The following NF2 variants were observed in gnomAD, a reference collection of about 807,000 sequenced individuals.
NF2 encodes the protein merlin.
Under a neutral mutation model 83.7 loss-of-function variants are expected in NF2, and 8 were observed. That is an observed-to-expected ratio of 0.10 (90% confidence interval 0.06 to 0.17). The LOEUF is 0.17. Ranked by LOEUF, NF2 falls within the 10% of genes least tolerant of loss-of-function variation. NF2 has a pLI of 1.00. For missense variants in NF2, 533 were observed against 744.4 expected, an observed-to-expected ratio of 0.72 and a Z score of 3.31; for synonymous variants, 266 against 269.6, an observed-to-expected ratio of 0.99 and a Z score of 0.13.
At chr22:29,639,052 A>C (rs1209448685) in intron 2 of NF2, 38 bp from the exon 3 acceptor site, 1 of 1,614,188 alleles carries the variant, frequency 6.2e-7, no homozygotes, top group South Asian at 1.1e-5. Flanking sequence ...AGGAAGTGCC[A>C]ATATAGTGTG....
chr22:29,696,053 C>A lies in NF2; in HGVS notation c.*1251C>A. ...GGCTCACTCCTTGGTCTGGGGCCACCTTCTTGCCCTTTCTTTTTTTTTTTT... is the reference window on the plus strand; with the variant it reads ...GGCTCACTCCTTGGTCTGGGGCCACATTCTTGCCCTTTCTTTTTTTTTTTT... On this transcript the variant is annotated 3_prime_UTR_variant, in exon 16 of 16. Coordinates refer to ENST00000338641, the MANE Select transcript of NF2 (RefSeq NM_000268.4). 1 of 231,288 alleles carries A rather than the reference C, an allele frequency of 4.3e-6. No individual in the cohort carries two copies. Among genetic ancestry groups the A allele is most frequent in the Non-Finnish European group, 8.5e-6 (1 of 117,438 alleles). 14.3% of individuals were successfully genotyped at this position (231,288 alleles called of 1,614,324 possible). A position where few individuals can be genotyped will look rare whatever the true frequency, so the allele number is the denominator to read the frequency against.
Position 29,617,700 on chromosome 22 carries a change from G to A in NF2, c.114+13588G>A, listed in dbSNP as rs542954003. ...TTTAATTTTACATAAATGACCTGGGGAATCTTGGAAAAATGTAGGTTCTGA... is the reference window on the plus strand; with the variant it reads ...TTTAATTTTACATAAATGACCTGGGAAATCTTGGAAAAATGTAGGTTCTGA... On this transcript the variant is annotated intron_variant, in intron 1 of 15. Transcript: ENST00000338641. 2.3e-4 allele frequency among the ~76,000 whole-genome samples: 35 copies of A among 152,292 alleles called. No individual in the cohort carries two copies. In the South Asian group the frequency reaches 6.8e-3, roughly 30 times the overall value.
chr22:29,625,004 C>T (rs542431769), intron 1 of NF2, among the ~76,000 whole-genome samples: 1 of 146,146 alleles, frequency 6.8e-6, no homozygotes, highest in East Asian at 2.0e-4. Flanking sequence ...GAGATCTCGG[C>T]TCACTGCAAC....
Position 29,668,311 on chromosome 22 carries a change from TTG to T in NF2, c.886-20_886-19del, listed in dbSNP as rs764324357. The T allele has an allele frequency of 1.9e-6, 3 of 1,587,130 alleles. No homozygotes were observed. The East Asian group carries it at 6.7e-5, about 36-fold the overall frequency. On this transcript the variant is annotated intron_variant, in intron 9 of 15. Transcript: ENST00000338641. ...AGTAAATTTGTGGATATTAACCTTT[TTG>T]TCTGCTTCTGTGGCCACAGATTCTC...
chr22:29,685,144 G>T (rs867117467), intron 15 of NF2, among the ~76,000 whole-genome samples: 1 of 151,718 alleles, frequency 6.6e-6, no homozygotes, highest in South Asian at 2.1e-4. Context: ...TTGAGACACG[G>T]TCTCCCTCTG....
chr22:29,683,653 C>T (rs1225609566), intron 15 of NF2: 1 of 1,081,670 alleles, frequency 9.2e-7, no homozygotes, highest in Non-Finnish European at 1.1e-6. Context: ...TGTGAGTCCA[C>T]GGGGAGTGGA....
rs577574410 is a variant in NF2, at chr22:29,616,023, A to G, written c.114+11911A>G. On this transcript the variant is annotated intron_variant, in intron 1 of 15. Transcript: ENST00000338641. ...GAATGAAGTACCAGCACGTGCTTCA[A>G]CATGGATGGACCTTGAAAACACTAT... Among the ~76,000 whole-genome samples the G allele has an allele frequency of 5.9e-5, 9 of 152,364 alleles. No individual in the cohort carries two copies. In the South Asian group the frequency reaches 1.9e-3, roughly 32 times the overall value.
At chr22:29,682,771 C>T (rs941493080) in intron 15 of NF2, among the ~76,000 whole-genome samples, 2 of 152,144 alleles carry the variant, frequency 1.3e-5, no homozygotes, top group African/African-American at 4.8e-5. Context: ...TCACCCCTTA[C>T]CCCCAGCCTT....
intron 1 of NF2, among the ~76,000 whole-genome samples, chr22:29,620,879 C>T (rs557012267): frequency 6.6e-6 from 1 of 152,242 alleles, no homozygotes; most frequent in African/African-American, 2.4e-5. Flanking sequence ...TGGGTGCCCA[C>T]GTTGACCAGG....
At chr22:29,672,077 A>G in intron 11 of NF2, 129 bp downstream of exon 11, 1 of 1,390,898 alleles carries the variant, frequency 7.2e-7, no homozygotes, top group East Asian at 2.3e-5. Flanking sequence ...GCTTTGAAAA[A>G]ATCAGTGCCT....
At chr22:29,629,691 C>T (rs1005935586) in intron 1 of NF2, among the ~76,000 whole-genome samples, 1 of 152,192 alleles carries the variant, frequency 6.6e-6, no homozygotes, top group African/African-American at 2.4e-5. Context: ...AATGCTAGGG[C>T]AGCTTGTGAG....
At chr22:29,625,225 C>T (rs1446187225) in intron 1 of NF2, among the ~76,000 whole-genome samples, 1 of 152,126 alleles carries the variant, frequency 6.6e-6, no homozygotes. Context: ...TTGCACCCGG[C>T]CAGATCTTCT....
intron 15 of NF2, among the ~76,000 whole-genome samples, chr22:29,687,051 C>T (rs543574760): frequency 6.6e-6 from 1 of 152,282 alleles, no homozygotes; most frequent in South Asian, 2.1e-4. Flanking sequence ...TGGTAGAATG[C>T]AGTCCTGGAA....
rs756366940 is a variant in NF2, at chr22:29,678,260, G to T, written c.1511G>T (p.Ser504Ile). ...CCAAGCTTCAACCTCATTGGTGACA[G>T]CCTGTCTTTCGACTTCAAAGATACT... Reference protein sequence around the residue: ...DIPSFNLIGDSLSFDFKDTDM... With the variant: ...DIPSFNLIGDILSFDFKDTDM... The change falls in exon 14 of 16, where the codon AGC becomes ATC. Residue 504 changes from serine to isoleucine, a missense_variant. This residue lies in a region of NF2 where 199 missense variants were observed against 240.7 expected (regional missense o/e 0.83). Coordinates refer to ENST00000338641, the MANE Select transcript of NF2 (RefSeq NM_000268.4). 4 of 1,614,012 alleles carry T rather than the reference G, an allele frequency of 2.5e-6. No individual in the cohort carries two copies. The Admixed American group carries it at 5.0e-5, about 20-fold the overall frequency.
Position 29,667,413 on chromosome 22 carries a change from A to G in NF2, c.886-920A>G, listed in dbSNP as rs148006436. 5.9e-3 allele frequency among the ~76,000 whole-genome samples: 898 copies of G among 151,610 alleles called. 7 individuals are homozygous for G. The highest frequency in any genetic ancestry group is 0.027 in the Middle Eastern group (8 of 294). On this transcript the variant is annotated intron_variant, in intron 9 of 15. Coordinates refer to ENST00000338641, the MANE Select transcript of NF2 (RefSeq NM_000268.4). Reference sequence around the variant, plus strand: ...CCACCATGCCCAGCTAATTTTTTGTATTTTTTTTATAGAGACAAAGTTTTG... The same window carrying G: ...CCACCATGCCCAGCTAATTTTTTGTGTTTTTTTTATAGAGACAAAGTTTTG...
intron 1 of NF2, among the ~76,000 whole-genome samples, chr22:29,611,012 T>C (rs1302474690): frequency 1.3e-5 from 2 of 152,218 alleles, no homozygotes; most frequent in African/African-American, 4.8e-5. Context: ...AAGGTTGGTT[T>C]AACATCCAAA....
At chr22:29,665,423 C>T (rs1003827412) in intron 9 of NF2, among the ~76,000 whole-genome samples, 5 of 151,820 alleles carry the variant, frequency 3.3e-5, no homozygotes, top group Non-Finnish European at 7.4e-5. Context: ...TTTGTATTTT[C>T]AGTAGAGACG....
intron 1 of NF2, among the ~76,000 whole-genome samples, chr22:29,621,056 G>A (rs2065207137): frequency 6.6e-6 from 1 of 152,210 alleles, no homozygotes; most frequent in Middle Eastern, 3.2e-3. Flanking sequence ...ACAGGGACAG[G>A]TAGGTAGTGA....
intron 1 of NF2, among the ~76,000 whole-genome samples, chr22:29,615,856 G>A (rs1314210305): frequency 1.3e-5 from 2 of 152,098 alleles, no homozygotes; most frequent in Admixed American, 6.6e-5. Context: ...ATAGCTTTAC[G>A]AGAAAAACTT....
Sources: gnomAD v4.1 joint callset for allele counts (sites outside exome capture counted in the v4.1 genomes callset) on GRCh38, gnomAD v4.1.1 for gene constraint, gnomAD v4.1.1 regional missense constraint, MANE v1.5 for transcripts, NCBI Gene and HGNC (gene_info 2026-07-23, HGNC 2026-07-21) for gene names.